The following TBC1D16 variants were observed in gnomAD, a reference collection of about 807,000 sequenced individuals.
The protein encoded by TBC1D16 is TBC1 domain family member 16.
In TBC1D16, 58 loss-of-function variants were observed where a neutral mutation model predicts 74.7. The ratio of observed to expected loss-of-function variants is 0.78; its 90% CI spans 0.63 to 0.97. TBC1D16 has a LOEUF of 0.97. Among genes scored for constraint, TBC1D16 ranks in the 50% least tolerant of loss-of-function variants. The probability of loss-of-function intolerance (pLI) is 0.00; values close to 1 mark genes in which losing one functional copy is unlikely to be tolerated. For synonymous variants in TBC1D16, 493 were observed against 474.7 expected (o/e 1.04, Z -0.50); for missense variants, 1,014 against 1,079.5 (o/e 0.94, Z 0.85).
At chr17:79,997,262 A>C (rs1423376765) in intron 3 of TBC1D16, among the ~76,000 whole-genome samples, 4 of 151,904 alleles carry the variant, frequency 2.6e-5, no homozygotes. Context: ...TACCAACCTC[A>C]ATTTCCTGGT....
intron 3 of TBC1D16, among the ~76,000 whole-genome samples, chr17:79,965,421 A>C (rs960556414): frequency 6.6e-6 from 1 of 152,190 alleles, no homozygotes; most frequent in South Asian, 2.1e-4. Flanking sequence ...GTTTCTTTTA[A>C]TATTATAAAA....
intron 1 of TBC1D16, among the ~76,000 whole-genome samples, chr17:80,028,064 T>C (rs569539883): frequency 6.6e-6 from 1 of 152,072 alleles, no homozygotes; most frequent in East Asian, 1.9e-4. Context: ...TCCGAGACGC[T>C]CCTTTTATAA....
chr17:79,945,419 G>A (rs1320166802), intron 9 of TBC1D16, among the ~76,000 whole-genome samples: 1 of 152,178 alleles, frequency 6.6e-6, no homozygotes, highest in Non-Finnish European at 1.5e-5. Flanking sequence ...GCACACTTGG[G>A]GGCTGTTTCC....
rs574035727 is a variant in TBC1D16, at chr17:80,015,003, A to G, written c.-62-1394T>C. 1.1e-4 allele frequency among the ~76,000 whole-genome samples: 16 copies of G among 152,298 alleles called. No homozygotes were observed. The South Asian group carries it at 3.3e-3, about 32-fold the overall frequency. ...GGAAACACCTAATCAAATGCTTTGC[A>G]GCCAGTTTCTACCAACAAAAATGAA... is the stretch of plus-strand genomic sequence containing the variant. On this transcript the variant is annotated intron_variant, in intron 1 of 11. Transcript: ENST00000310924.
intron 3 of TBC1D16, among the ~76,000 whole-genome samples, chr17:79,957,198 G>A (rs1342218441): frequency 1.3e-5 from 2 of 152,174 alleles, no homozygotes; most frequent in African/African-American, 4.8e-5. Flanking sequence ...TGGGAGAGGA[G>A]GCTGTGATGG....
At chr17:80,006,016 T>C (rs1416483580) in intron 3 of TBC1D16, among the ~76,000 whole-genome samples, 1 of 152,112 alleles carries the variant, frequency 6.6e-6, no homozygotes. Flanking sequence ...CTACCTGCTC[T>C]GCCCTCCGGG....
intron 3 of TBC1D16, among the ~76,000 whole-genome samples, chr17:80,003,352 G>A (rs1013592205): frequency 8.5e-5 from 13 of 152,220 alleles, no homozygotes; most frequent in African/African-American, 3.1e-4. Context: ...CGCATGCCGG[G>A]AATGACAAGA....
chr17:79,976,990 C>T (rs2034357478), intron 3 of TBC1D16, among the ~76,000 whole-genome samples: 1 of 152,200 alleles, frequency 6.6e-6, no homozygotes, highest in African/African-American at 2.4e-5. Context: ...TGCTGAGCTG[C>T]TCTGGTGACT....
chr17:79,957,455 G>T (rs1161191069), intron 3 of TBC1D16, among the ~76,000 whole-genome samples: 1 of 152,202 alleles, frequency 6.6e-6, no homozygotes, highest in Admixed American at 6.5e-5. Context: ...CTGTGACAAG[G>T]CTGCACCCTG....
chr17:80,006,589 G>T (rs2035687751), intron 3 of TBC1D16, among the ~76,000 whole-genome samples: 1 of 152,168 alleles, frequency 6.6e-6, no homozygotes, highest in East Asian at 1.9e-4. Flanking sequence ...AGCAAGGAAA[G>T]ACCAGGGAAA....
chr17:79,946,826 G>A (rs2032582692), intron 9 of TBC1D16, among the ~76,000 whole-genome samples: 1 of 152,218 alleles, frequency 6.6e-6, no homozygotes, highest in African/African-American at 2.4e-5. Flanking sequence ...CACACACCCT[G>A]GAGCTGTCCC....
At chr17:79,982,995 T>C (rs2034648011) in intron 3 of TBC1D16, among the ~76,000 whole-genome samples, 1 of 152,216 alleles carries the variant, frequency 6.6e-6, no homozygotes, top group Admixed American at 6.5e-5. Flanking sequence ...ACCTGCGTCA[T>C]CCACGTTTGT....
rs2034691726 is a variant in TBC1D16, at chr17:79,983,736, C to T, written c.779+26424G>A. On this transcript the variant is annotated intron_variant, in intron 3 of 11. Transcript: ENST00000310924. The surrounding 1 kb of genome is among the most constrained non-coding windows in gnomAD (Gnocchi z 5.6). ...CCAGACTGGGGAGGAAGGAGTGGAG[C>T]ACTGGCCTCCTAGGAAGCTCTAGTT... Among the ~76,000 whole-genome samples the T allele has an allele frequency of 6.6e-6, 1 of 152,074 alleles. No individual in the cohort carries two copies. Among genetic ancestry groups the T allele is most frequent in the Non-Finnish European group, 1.5e-5 (1 of 67,940 alleles).
At chr17:79,943,961 G>A (rs1484885551) in intron 10 of TBC1D16, 19 of 1,503,260 alleles carry the variant, frequency 1.3e-5, no homozygotes, top group Admixed American at 4.1e-5. Flanking sequence ...AATGCAGATC[G>A]TCCACCCTGC....
intron 1 of TBC1D16, among the ~76,000 whole-genome samples, chr17:80,020,925 G>A (rs779482831): frequency 5.3e-5 from 8 of 150,076 alleles, no homozygotes; most frequent in Non-Finnish European, 8.8e-5. Context: ...GGAGGCTGAC[G>A]TGGGAGGATT....
At position 80,013,658 on chromosome 17, in the gene TBC1D16, T is replaced by C. The variant is rs2035983845; in HGVS notation, c.-62-49A>G. ...TGGTCAAGGTTGTGGACTTGCGTTC[T>C]GTCTCACAGCAGTACGTGTCGCCTC... On this transcript the variant is annotated intron_variant, in intron 1 of 11. Coordinates refer to ENST00000310924, the MANE Select transcript of TBC1D16 (RefSeq NM_019020.4). The C allele has an allele frequency of 3.3e-6, 4 of 1,211,648 alleles. No homozygotes were observed. The South Asian group carries it at 6.5e-5, about 20-fold the overall frequency. 75.1% of individuals were successfully genotyped at this position (1,211,648 alleles called of 1,614,324 possible). A position where few individuals can be genotyped will look rare whatever the true frequency, so the allele number is the denominator to read the frequency against.
Position 80,009,934 on chromosome 17 carries a change from G to A in TBC1D16, c.779+226C>T, listed in dbSNP as rs530414170. On this transcript the variant is annotated intron_variant, in intron 3 of 11. Coordinates refer to ENST00000310924, the MANE Select transcript of TBC1D16 (RefSeq NM_019020.4). This position sits in a 1 kb window ranked among gnomAD's most constrained non-coding sequence, Gnocchi z 5.4. ...GGAGAGAGAAGAATGTGGACACCCCGACGCACCCTTCACAGTCCTCTCAGT... is the reference window on the plus strand; with the variant it reads ...GGAGAGAGAAGAATGTGGACACCCCAACGCACCCTTCACAGTCCTCTCAGT... 2.0e-5 allele frequency among the ~76,000 whole-genome samples: 3 copies of A among 152,138 alleles called. No individual in the cohort carries two copies. The highest frequency in any genetic ancestry group is 4.4e-5 in the Non-Finnish European group (3 of 68,006).
chr17:80,016,511 T>A (rs1372761412), intron 1 of TBC1D16, among the ~76,000 whole-genome samples: 1 of 152,100 alleles, frequency 6.6e-6, no homozygotes, highest in Non-Finnish European at 1.5e-5. Context: ...ACTTTCTGCA[T>A]TTTTTACATT....
intron 3 of TBC1D16, among the ~76,000 whole-genome samples, chr17:79,989,557 C>T (rs1407345495): frequency 6.6e-6 from 1 of 152,252 alleles, no homozygotes; most frequent in Admixed American, 6.5e-5. Context: ...TCCCAACAGT[C>T]TGGCATGGCA....
Sources: allele counts gnomAD v4.1 joint callset (sites outside exome capture counted in the v4.1 genomes callset), GRCh38; gene constraint gnomAD v4.1.1; non-coding constraint Gnocchi (gnomAD v3.1); transcripts MANE v1.5; gene names NCBI Gene and HGNC (gene_info 2026-07-23, HGNC 2026-07-21).